The following PCGF6 variants were observed in gnomAD, a reference collection of about 807,000 sequenced individuals.
PCGF6 encodes polycomb group RING finger protein 6.
Under a neutral mutation model 45.5 loss-of-function variants are expected in PCGF6, and 24 were observed. The observed-to-expected ratio is 0.53, with a 90% CI of 0.38 to 0.74. The LOEUF is 0.74. Ranked by LOEUF, PCGF6 falls within the 30% of genes least tolerant of loss-of-function variation. The pLI is 0.00. For synonymous variants in PCGF6, 152 were observed against 162.1 expected (o/e 0.94, Z 0.47); for missense variants, 356 against 443.2 (o/e 0.80, Z 1.77).
At chr10:103,332,864 C>T (rs1469605272) in intron 7 of PCGF6, among the ~76,000 whole-genome samples, 1 of 152,098 alleles carries the variant, frequency 6.6e-6, no homozygotes, top group Non-Finnish European at 1.5e-5. Context: ...CCTGTAATCC[C>T]AGCACTTTGG....
At chr10:103,341,920 TA>T (rs1407113277) in intron 6 of PCGF6, among the ~76,000 whole-genome samples, 1 of 151,832 alleles carries the variant, frequency 6.6e-6, no homozygotes, top group African/African-American at 2.4e-5. Context: ...TGCCGCTTCC[TA>T]GGGGCACTGC....
At position 103,351,022 on chromosome 10, in the gene PCGF6, G is replaced by C; in HGVS notation, c.45C>G (p.Ala15=). 2 of 1,418,230 alleles carry C rather than the reference G, an allele frequency of 1.4e-6. No individual in the cohort carries two copies. The highest frequency in any genetic ancestry group is 1.8e-6 in the Non-Finnish European group (2 of 1,087,188). The allele number at this position is 1,418,230 out of a possible 1,614,324, so 87.9% of individuals were successfully genotyped here. The part of the protein sequence containing the change: ...AVVTAGSVGA[A]KTEGAAALPP... ...GCAAGGCTGCAGCTCCCTCGGTTTTGGCAGCGCCTACGCTGCCCGCCGTCA... is the reference window on the plus strand; with the variant it reads ...GCAAGGCTGCAGCTCCCTCGGTTTTCGCAGCGCCTACGCTGCCCGCCGTCA... The change falls in exon 1 of 10, where the codon GCC becomes GCG. Residue 15 remains alanine (A), a synonymous_variant. Transcript: ENST00000369847.
At chr10:103,305,928 A>G (rs1055042595) in intron 9 of PCGF6, among the ~76,000 whole-genome samples, 10 of 151,500 alleles carry the variant, frequency 6.6e-5, no homozygotes, top group African/African-American at 2.4e-4. Context: ...AGAATTTTTT[A>G]AAAGAGTAAA....
chr10:103,346,264 G>T (rs2093299070), intron 5 of PCGF6, among the ~76,000 whole-genome samples: 1 of 151,888 alleles, frequency 6.6e-6, no homozygotes, highest in African/African-American at 2.4e-5. Context: ...GGCCAAGGTG[G>T]GAAGATCACC....
intron 5 of PCGF6, among the ~76,000 whole-genome samples, chr10:103,345,364 G>A (rs994263732): frequency 2.6e-5 from 4 of 152,168 alleles, no homozygotes; most frequent in African/African-American, 7.2e-5. Context: ...TATTAGGGAC[G>A]CAGAGAGAGC....
At chr10:103,309,074 G>A (rs1427274891) in intron 9 of PCGF6, among the ~76,000 whole-genome samples, 1 of 152,060 alleles carries the variant, frequency 6.6e-6, no homozygotes, top group African/African-American at 2.4e-5. Flanking sequence ...TAGGCAGAAG[G>A]GACTAGCCTT....
chr10:103,342,791 C>T (rs1449744957), intron 6 of PCGF6, among the ~76,000 whole-genome samples: 2 of 152,062 alleles, frequency 1.3e-5, no homozygotes, highest in Admixed American at 1.3e-4. Context: ...ATATAAATTG[C>T]AACACTCTTT....
intron 8 of PCGF6, 48 bp from the exon 9 acceptor site, chr10:103,314,320 C>A: frequency 2.7e-6 from 3 of 1,108,836 alleles, no homozygotes; most frequent in Non-Finnish European, 4.0e-6. Flanking sequence ...TTCAAAATAC[C>A]ATCTGAAGAA....
At chr10:103,327,697 CAG>C (rs1229704972) in intron 7 of PCGF6, among the ~76,000 whole-genome samples, 1 of 150,694 alleles carries the variant, frequency 6.6e-6, no homozygotes, top group African/African-American at 2.4e-5. Flanking sequence ...TTTTTTGAGA[CAG>C]AGTCTCACTC....
intron 8 of PCGF6, among the ~76,000 whole-genome samples, chr10:103,326,227 T>TAA (rs2093217791): frequency 6.7e-6 from 1 of 149,654 alleles, no homozygotes; most frequent in African/African-American, 2.5e-5. Flanking sequence ...CTACTAAAAA[T>TAA]ACAAAAAAAA....
chr10:103,348,823 A>G lies in PCGF6; in HGVS notation c.461-11T>C. ...TGCAGCTTTTACAAACTGTTGAAAA[A>G]GAATGTTGAAGTCAGGATGCTTTCA... is the stretch of plus-strand genomic sequence containing the variant. On this transcript the variant is annotated splice_polypyrimidine_tract_variant and intron_variant, in intron 2 of 9. Transcript: ENST00000369847. The G allele has an allele frequency of 6.2e-7, 1 of 1,606,312 alleles. No homozygotes were observed. Among genetic ancestry groups the G allele is most frequent in the East Asian group, 2.2e-5 (1 of 44,840 alleles).
chr10:103,339,810 A>AAACACAC (rs1554865094), intron 6 of PCGF6, among the ~76,000 whole-genome samples: 3 of 32,226 alleles, frequency 9.3e-5, no homozygotes, highest in East Asian at 1.9e-3. Flanking sequence ...TCAAAAAAAA[A>AAACACAC]ACACACACAC....
At chr10:103,350,477 C>G (rs1490281472) in intron 1 of PCGF6, among the ~76,000 whole-genome samples, 1 of 152,180 alleles carries the variant, frequency 6.6e-6, no homozygotes, top group Non-Finnish European at 1.5e-5. Flanking sequence ...CTCGCAGAGC[C>G]TAAGTGACCT....
chr10:103,350,929 C>A lies in PCGF6; in HGVS notation c.138G>T (p.Ala46=), dbSNP rs771592448. 12 of 1,510,604 alleles carry A rather than the reference C, an allele frequency of 7.9e-6. No homozygotes were observed. The Admixed American group carries it at 2.3e-4, about 29-fold the overall frequency. 93.6% of individuals were successfully genotyped at this position (1,510,604 alleles called of 1,614,324 possible). A position where few individuals can be genotyped will look rare whatever the true frequency, so the allele number is the denominator to read the frequency against. The change falls in exon 1 of 10, where the codon GCG becomes GCT. Residue 46 remains alanine, a synonymous_variant. Transcript: ENST00000369847. ...CGGGAGCCCCCGTCTCAGACAGAGG[C>A]GCCGGTCCCTCCTCACCCGCTGCGG... ...PAPAAGEEGP[A]PLSETGAPGC... is the part of the protein sequence containing the mutation.
At position 103,347,428 on chromosome 10, in the gene PCGF6, T is replaced by C. The variant is rs200564910; in HGVS notation, c.580A>G (p.Ile194Val). 1.9e-6 allele frequency: 3 copies of C among 1,608,038 alleles called. No individual in the cohort carries two copies. The highest frequency in any genetic ancestry group is 1.1e-5 in the South Asian group (1 of 90,808). ...AGATTGATCACTAATTTGTACACTA[T>C]GTCTTGTAACTGTCGGTCCAACCTA... ...NIRLDRQLQDIVYKLVINLEE... is the reference protein window; with the variant it reads ...NIRLDRQLQDVVYKLVINLEE... The change falls in exon 4 of 10, where the codon ATA becomes GTA. Residue 194 changes from isoleucine to valine, a missense_variant. By Grantham distance (29) the Ile-to-Val change is conservative. Around this residue, in one of 2 missense-constraint regions of PCGF6, gnomAD observed 307 missense variants for 350.1 expected, o/e 0.88. Coordinates refer to ENST00000369847, the MANE Select transcript of PCGF6 (RefSeq NM_001011663.2).
At chr10:103,331,878 C>T (rs953715457) in intron 7 of PCGF6, among the ~76,000 whole-genome samples, 4 of 152,102 alleles carry the variant, frequency 2.6e-5, no homozygotes, top group Non-Finnish European at 5.9e-5. Context: ...CTGCAAGCTC[C>T]GCCTCCCAGG....
chr10:103,315,856 T>G (rs1430314123), intron 8 of PCGF6, among the ~76,000 whole-genome samples: 1 of 152,136 alleles, frequency 6.6e-6, no homozygotes, highest in African/African-American at 2.4e-5. Flanking sequence ...TATATACATT[T>G]TATTAAGACT....
At chr10:103,332,854 C>G (rs537190175) in intron 7 of PCGF6, among the ~76,000 whole-genome samples, 5 of 152,260 alleles carry the variant, frequency 3.3e-5, no homozygotes, top group African/African-American at 7.2e-5. Flanking sequence ...GTGGCTCACA[C>G]CTGTAATCCC....
In PCGF6 at chr10:103,347,886, G is replaced by A. The variant is rs141623952; in HGVS notation, c.558-436C>T. ...GATTTTATTCCCTTCATAAGAATAC[G>A]AGTTGAGGGCAGAGACTGTATTTTG... On this transcript the variant is annotated intron_variant, in intron 3 of 9. Transcript: ENST00000369847. Among the ~76,000 whole-genome samples the A allele has an allele frequency of 3.3e-4, 50 of 152,262 alleles. 1 individual carries two copies. The East Asian group carries it at 9.3e-3, about 28-fold the overall frequency.
Sources: gnomAD v4.1 joint callset for allele counts (sites outside exome capture counted in the v4.1 genomes callset) on GRCh38, gnomAD v4.1.1 for gene constraint, gnomAD v4.1.1 regional missense constraint, MANE v1.5 for transcripts, NCBI Gene and HGNC (gene_info 2026-07-23, HGNC 2026-07-21) for gene names.